GABRR3: variants seen among roughly 807,000 people sequenced by gnomAD.
The protein encoded by GABRR3 is gamma-aminobutyric acid type A receptor subunit rho3.
A neutral mutation model predicts 43.2 loss-of-function variants in GABRR3; 29 were observed. The observed-to-expected ratio is 0.67, with a 90% CI of 0.50 to 0.92. GABRR3 has a LOEUF of 0.92. Among genes scored for constraint, GABRR3 ranks in the 40% least tolerant of loss-of-function variants. GABRR3 has a pLI of 0.00. For synonymous variants in GABRR3, 206 were observed against 195.9 expected, an observed-to-expected ratio of 1.05 and a Z score of -0.43; for missense variants, 576 against 572.3, an observed-to-expected ratio of 1.01 and a Z score of -0.07.
At chr3:98,011,420 T>A (rs1002851883) in intron 5 of GABRR3, among the ~76,000 whole-genome samples, 3 of 152,206 alleles carry the variant, frequency 2.0e-5, no homozygotes, top group African/African-American at 7.2e-5. Context: ...CCATGTGTCC[T>A]ATAGCTTCTG....
intron 3 of GABRR3, among the ~76,000 whole-genome samples, chr3:98,024,009 GTGATCC>G (rs1469266884): frequency 5.9e-5 from 9 of 152,336 alleles, no homozygotes; most frequent in Admixed American, 5.9e-4. Flanking sequence ...GAACCCCCAG[GTGATCC>G]TGATGCTCAC....
intron 9 of GABRR3, among the ~76,000 whole-genome samples, chr3:97,989,334 T>C (rs1706432049): frequency 6.7e-6 from 1 of 148,846 alleles, no homozygotes; most frequent in African/African-American, 2.5e-5. Flanking sequence ...TGGTAGTAAG[T>C]GGTGGTCAGT....
chr3:98,033,652 A>G (rs1245996539), intron 2 of GABRR3, among the ~76,000 whole-genome samples: 1 of 152,184 alleles, frequency 6.6e-6, no homozygotes, highest in African/African-American at 2.4e-5. Flanking sequence ...GATTTTTAAA[A>G]TTAGATAAAA....
chr3:97,986,735 A>G (rs775621031), exon 10 of GABRR3: 1 of 1,586,072 alleles, frequency 6.3e-7, no homozygotes, highest in Non-Finnish European at 8.6e-7. Flanking sequence ...CACAATGGGG[A>G]ATAAAATCCT....
chr3:98,027,940 CT>C (rs997467540), intron 2 of GABRR3, among the ~76,000 whole-genome samples: 3 of 151,910 alleles, frequency 2.0e-5, no homozygotes, highest in African/African-American at 4.8e-5. Flanking sequence ...TTATATCATT[CT>C]TTTTTTAAAA....
At chr3:97,987,163 T>C in intron 9 of GABRR3, among the ~76,000 whole-genome samples, 181 bp from the exon 10 acceptor site, 1 of 152,220 alleles carries the variant, frequency 6.6e-6, no homozygotes, top group East Asian at 1.9e-4. Flanking sequence ...CGTATATATG[T>C]ATTTTTTGGT....
At position 97,993,056 on chromosome 3, in the gene GABRR3, T is replaced by G; in HGVS notation, c.908-8A>C. On this transcript the variant is annotated splice_region_variant and splice_polypyrimidine_tract_variant and intron_variant, in intron 8 of 9. Transcript: ENST00000621172. ...TCAGCACTGTGGTGATTCCTGCCAT[T>G]TGAGAATAGTGGCAAGCTCAGTGAT... is the stretch of plus-strand genomic sequence containing the variant. 1.3e-6 allele frequency: 2 copies of G among 1,581,410 alleles called. No homozygotes were observed. Among genetic ancestry groups the G allele is most frequent in the Non-Finnish European group, 8.6e-7 (1 of 1,161,986 alleles).
chr3:98,019,908 A>G (rs1278942785), intron 3 of GABRR3, among the ~76,000 whole-genome samples: 1 of 152,190 alleles, frequency 6.6e-6, no homozygotes. Flanking sequence ...GATTTTGATT[A>G]AGCATTAACT....
At chr3:97,986,162 G>A (rs939372627), downstream of GABRR3, among the ~76,000 whole-genome samples, 8 of 152,104 alleles carry the variant, frequency 5.3e-5, no homozygotes, top group African/African-American at 1.7e-4. Context: ...CACGGCACCT[G>A]GCCTGAAACA....
intron 9 of GABRR3, among the ~76,000 whole-genome samples, chr3:97,992,404 T>C (rs1002265150): frequency 2.0e-5 from 3 of 152,170 alleles, no homozygotes; most frequent in African/African-American, 7.2e-5. Flanking sequence ...CTGCATTTAT[T>C]CCACCTCTGT....
chr3:98,012,855 T>C (rs1706819378), intron 4 of GABRR3, among the ~76,000 whole-genome samples: 1 of 152,240 alleles, frequency 6.6e-6, no homozygotes, highest in Non-Finnish European at 1.5e-5. Context: ...TGTGTAAGCA[T>C]TCTGGTAAAT....
intron 1 of GABRR3, 48 bp from the exon 2 acceptor site, chr3:98,035,037 C>G: frequency 6.3e-7 from 1 of 1,575,386 alleles, no homozygotes; most frequent in East Asian, 2.3e-5. Context: ...GCAACCAATA[C>G]TGTGATCACA....
rs146572536 is a variant in GABRR3 at position 97,992,878 on chromosome 3, G to A, written c.1078C>T (p.Arg360Trp). The A allele has an allele frequency of 7.4e-4, 1,184 of 1,610,286 alleles. 7 individuals carry two copies. The African/African-American group carries it at 0.013, about 18-fold the overall frequency. ...TTTCCTGTCTTCTTGAATTGTTTCCGCTCTTCCACTGTGGTGAGGTAGTTC... is the reference window on the plus strand; with the variant it reads ...TTTCCTGTCTTCTTGAATTGTTTCCACTCTTCCACTGTGGTGAGGTAGTTC... The change falls in exon 9 of 10, where the codon CGG (arginine) becomes TGG (tryptophan). Residue 360 changes from arginine (R) to tryptophan (W), a missense_variant. Arg to Trp is a moderately radical substitution (Grantham distance 101, BLOSUM62 -3). Coordinates refer to ENST00000621172, the Ensembl canonical transcript of GABRR3.
intron 8 of GABRR3, among the ~76,000 whole-genome samples, chr3:97,994,025 T>G (rs1208730231): frequency 6.6e-6 from 1 of 152,252 alleles, no homozygotes; most frequent in Non-Finnish European, 1.5e-5. Flanking sequence ...TATACAATTG[T>G]AAATATTTGA....
At chr3:97,989,977 A>G (rs373615951) in intron 9 of GABRR3, among the ~76,000 whole-genome samples, 1 of 152,060 alleles carries the variant, frequency 6.6e-6, no homozygotes, top group South Asian at 2.1e-4. Flanking sequence ...AACTCCATAT[A>G]TATATACAGG....
At chr3:98,018,786 A>C (rs1706903612) in intron 3 of GABRR3, among the ~76,000 whole-genome samples, 1 of 152,154 alleles carries the variant, frequency 6.6e-6, no homozygotes, top group Admixed American at 6.5e-5. Flanking sequence ...TCCTGCCTAA[A>C]TGGATCCAAG....
chr3:97,987,092 G>A (rs1185889753), intron 9 of GABRR3, 110 bp from the exon 10 acceptor site: 1 of 722,194 alleles, frequency 1.4e-6, no homozygotes, highest in East Asian at 2.8e-5. Context: ...CAGCAAGATA[G>A]GCCAATTGGA....
intron 8 of GABRR3, chr3:97,999,440 G>A (rs1559775100): frequency 6.6e-6 from 1 of 152,088 alleles, no homozygotes; most frequent in Non-Finnish European, 1.5e-5. Flanking sequence ...GTATCTGAAG[G>A]TGAAGTCCAG....
At chr3:97,994,950 T>G (rs1045924171) in intron 8 of GABRR3, among the ~76,000 whole-genome samples, 10 of 152,204 alleles carry the variant, frequency 6.6e-5, no homozygotes, top group Admixed American at 1.3e-4. Context: ...TGAACTAATA[T>G]TCCCACTTAG....
Sources: gnomAD v4.1 joint callset for allele counts (sites outside exome capture counted in the v4.1 genomes callset) on GRCh38, gnomAD v4.1.1 for gene constraint, MANE v1.5 for transcripts, NCBI Gene and HGNC (gene_info 2026-07-23, HGNC 2026-07-21) for gene names.